Variants in NRG1 observed in about 807,000 individuals in gnomAD.
NRG1 encodes pro-neuregulin-1, membrane-bound isoform.
A neutral mutation model predicts 63.8 loss-of-function variants in NRG1; 18 were observed. That is an observed-to-expected ratio of 0.28 (90% CI 0.19 to 0.42). The LOEUF is 0.42. Among genes scored for constraint, NRG1 ranks in the 10% least tolerant of loss-of-function variants. NRG1 has a pLI of 1.00. For missense variants in NRG1, 762 were observed against 814.7 expected (o/e 0.94, Z 0.79); for synonymous variants, 302 against 301.3 (o/e 1.00, Z -0.02).
At chr8:31,976,666 T>G (rs1461459362) in intron 1 of NRG1, among the ~76,000 whole-genome samples, 9 of 5,234 alleles carry the variant, frequency 1.7e-3, no homozygotes, top group Admixed American at 5.9e-3. Flanking sequence ...GCCATGGGTG[T>G]GTGTGTGTGT....
At chr8:31,866,285 A>G (rs1828951493) in intron 1 of NRG1, among the ~76,000 whole-genome samples, 1 of 152,174 alleles carries the variant, frequency 6.6e-6, no homozygotes, top group Admixed American at 6.6e-5. Context: ...GAGGAAAAGT[A>G]TTGCCCATAC....
intron 1 of NRG1, among the ~76,000 whole-genome samples, chr8:31,740,722 G>A (rs181247472): frequency 6.6e-6 from 1 of 151,880 alleles, no homozygotes; most frequent in Non-Finnish European, 1.5e-5. Context: ...CAAAGTCTCT[G>A]ATGTTAACAA....
intron 1 of NRG1, among the ~76,000 whole-genome samples, chr8:31,844,165 C>T (rs1042206326): frequency 2.6e-5 from 4 of 152,168 alleles, no homozygotes; most frequent in African/African-American, 4.8e-5. Flanking sequence ...TGCTCTGTTG[C>T]GCACTTCTCT....
chr8:31,800,400 T>C (rs576082712), intron 1 of NRG1, among the ~76,000 whole-genome samples: 7 of 152,364 alleles, frequency 4.6e-5, no homozygotes, highest in African/African-American at 1.7e-4. Context: ...GGAATCATTT[T>C]CAGCCACCGT....
At chr8:32,307,240 C>T (rs1194197160) in intron 1 of NRG1, among the ~76,000 whole-genome samples, 3 of 152,124 alleles carry the variant, frequency 2.0e-5, no homozygotes, top group Admixed American at 6.5e-5. Flanking sequence ...CACAATCTGG[C>T]TAACATAAAA....
At chr8:31,895,947 G>A (rs2129614571) in intron 1 of NRG1, among the ~76,000 whole-genome samples, 1 of 152,260 alleles carries the variant, frequency 6.6e-6, no homozygotes. Context: ...AGAGTATCTT[G>A]CAGTATATAT....
chr8:32,506,444 T>A lies in NRG1; in HGVS notation c.38-89384T>A, dbSNP rs573309693. ...GTGAGGCTGGCTCAAACAACAGGCT[T>A]ATACACCTGTGCCAATATTCTATTC... On this transcript the variant is annotated intron_variant, in intron 1 of 10. Coordinates refer to the NRG1 transcript ENST00000519301. 6.6e-5 allele frequency among the ~76,000 whole-genome samples: 10 copies of A among 152,230 alleles called. No homozygotes were observed. The South Asian group carries it at 2.1e-3, about 32-fold the overall frequency.
At chr8:32,571,637 C>T (rs1838608017) in intron 1 of NRG1, among the ~76,000 whole-genome samples, 1 of 152,020 alleles carries the variant, frequency 6.6e-6, no homozygotes, top group African/African-American at 2.4e-5. Flanking sequence ...TTACTCACAT[C>T]TTTCTTCAAG....
intron 1 of NRG1, among the ~76,000 whole-genome samples, chr8:32,185,507 T>C (rs1032768378): frequency 3.9e-5 from 6 of 152,188 alleles, no homozygotes; most frequent in Non-Finnish European, 7.3e-5. Flanking sequence ...AGCACAATTG[T>C]TCATAGGTGG....
intron 1 of NRG1, among the ~76,000 whole-genome samples, chr8:32,390,301 T>C (rs1811559835): frequency 6.6e-6 from 1 of 152,172 alleles, no homozygotes; most frequent in Admixed American, 6.5e-5. Context: ...AGACTTTTCC[T>C]GTTCTAGACC....
intron 7 of NRG1, chr8:32,749,501 G>T: frequency 6.4e-7 from 1 of 1,562,752 alleles, no homozygotes; most frequent in Non-Finnish European, 8.8e-7. Context: ...GCAGTGTATT[G>T]CTCTTTTCTG....
At chr8:32,638,274 C>T (rs547293874) in intron 5 of NRG1, among the ~76,000 whole-genome samples, 1 of 152,160 alleles carries the variant, frequency 6.6e-6, no homozygotes, top group South Asian at 2.1e-4. Context: ...TGTAACAAAC[C>T]TGCACGTTGT....
intron 1 of NRG1, among the ~76,000 whole-genome samples, chr8:31,852,773 G>A (rs944859471): frequency 1.1e-4 from 17 of 152,074 alleles, no homozygotes; most frequent in African/African-American, 1.9e-4. Context: ...ATCCATCTTG[G>A]ATTGATTTTT....
rs1185536774 is a variant in NRG1, at chr8:32,742,981, A to C, written c.691+248A>C. On this transcript the variant is annotated intron_variant, in intron 7 of 11. Coordinates refer to ENST00000356819, the Ensembl canonical transcript of NRG1. The surrounding 1 kb of genome is among the most constrained non-coding windows in gnomAD (Gnocchi z 4.2). ...GGCTCCGGATGTTTCTGGAATTGAT[A>C]TTGAATGATGTGATACAAATTGATA... 2 of 1,328,838 alleles carry C rather than the reference A, an allele frequency of 1.5e-6. No homozygotes were observed. Among genetic ancestry groups the C allele is most frequent in the Non-Finnish European group, 1.9e-6 (2 of 1,034,824 alleles). 82.3% of individuals were successfully genotyped at this position (1,328,838 alleles called of 1,614,324 possible). A position where few individuals can be genotyped will look rare whatever the true frequency, so the allele number is the denominator to read the frequency against.
intron 1 of NRG1, among the ~76,000 whole-genome samples, chr8:32,298,730 AG>A (rs200781281): frequency 0.034 from 4,069 of 120,914 alleles, 206 homozygotes; most frequent in African/African-American, 0.1. Context: ...AAAAAAAAAA[AG>A]AAAAGAAAAG....
At chr8:32,173,079 C>T (rs1260750158) in intron 1 of NRG1, among the ~76,000 whole-genome samples, 1 of 152,064 alleles carries the variant, frequency 6.6e-6, no homozygotes. Context: ...ATGTTAAGGG[C>T]AGCCAGAGAG....
intron 1 of NRG1, among the ~76,000 whole-genome samples, chr8:31,670,473 T>C (rs1482796461): frequency 6.6e-6 from 1 of 152,174 alleles, no homozygotes; most frequent in Non-Finnish European, 1.5e-5. Context: ...ACATTATCTA[T>C]GTATCTGAAA....
chr8:32,295,873 G>C (rs1436983880), intron 1 of NRG1, among the ~76,000 whole-genome samples: 5 of 150,088 alleles, frequency 3.3e-5, no homozygotes, highest in African/African-American at 1.2e-4. Flanking sequence ...GGAGGCGGAG[G>C]TTGCAGTGAG....
At chr8:32,315,478 T>C (rs1483372762) in intron 1 of NRG1, among the ~76,000 whole-genome samples, 2 of 152,246 alleles carry the variant, frequency 1.3e-5, no homozygotes, top group Non-Finnish European at 2.9e-5. Context: ...CAGTCTATCA[T>C]TAATGGGCAT....
Sources: gnomAD v4.1 joint callset for allele counts (sites outside exome capture counted in the v4.1 genomes callset) on GRCh38, gnomAD v4.1.1 for gene constraint, Gnocchi (gnomAD v3.1) non-coding constraint, MANE v1.5 for transcripts, NCBI Gene and HGNC (gene_info 2026-07-23, HGNC 2026-07-21) for gene names.